Variants in CCDC57 observed in about 807,000 individuals in gnomAD.
CCDC57 encodes coiled-coil domain containing 57, also known as coiled-coil domain-containing protein 57.
Under a neutral mutation model 118.9 loss-of-function variants are expected in CCDC57, and 118 were observed. That is an observed-to-expected ratio of 0.99 (90% CI 0.86 to 1.16). The LOEUF is 1.16. Among genes scored for constraint, CCDC57 ranks in the 50% most tolerant of loss-of-function variants. The pLI is 0.00. For missense variants in CCDC57, 1,300 were observed against 1,320.7 expected, an observed-to-expected ratio of 0.98 and a Z score of 0.24; for synonymous variants, 527 against 532.9, an observed-to-expected ratio of 0.99 and a Z score of 0.15.
intron 7 of CCDC57, among the ~76,000 whole-genome samples, chr17:82,191,560 C>T (rs912919526): frequency 6.6e-6 from 1 of 152,176 alleles, no homozygotes; most frequent in Admixed American, 6.6e-5. Flanking sequence ...TCTGCCACTC[C>T]AGAGACAGCC....
intron 19 of CCDC57, among the ~76,000 whole-genome samples, chr17:82,111,466 C>T (rs2093344144): frequency 6.7e-6 from 1 of 149,698 alleles, no homozygotes; most frequent in Non-Finnish European, 1.5e-5. Context: ...GCAGCTTCAA[C>T]CTCCCGGGCT....
chr17:82,133,592 G>A (rs2038745551), intron 17 of CCDC57, among the ~76,000 whole-genome samples: 1 of 151,916 alleles, frequency 6.6e-6, no homozygotes, highest in Non-Finnish European at 1.5e-5. Flanking sequence ...TGGGCGCGGT[G>A]GTTCATGCCT....
intron 16 of CCDC57, among the ~76,000 whole-genome samples, chr17:82,134,599 G>A (rs935100513): frequency 6.6e-6 from 1 of 152,144 alleles, no homozygotes; most frequent in African/African-American, 2.4e-5. Context: ...TTCGAGATCA[G>A]CCTGGCCAAC....
intron 16 of CCDC57, among the ~76,000 whole-genome samples, chr17:82,137,907 C>T (rs181472198): frequency 2.0e-5 from 3 of 151,556 alleles, no homozygotes; most frequent in African/African-American, 4.8e-5. Context: ...CTCTTGACCT[C>T]GTGATCCACC....
chr17:82,141,725 C>T (rs1221166302), intron 16 of CCDC57, among the ~76,000 whole-genome samples: 2 of 152,106 alleles, frequency 1.3e-5, no homozygotes, highest in African/African-American at 4.8e-5. Context: ...GCTGTGCCTC[C>T]CTCAAGCCTT....
At chr17:82,179,028 T>A (rs1376096431) in exon 10 of CCDC57, 1 of 1,613,450 alleles carries the variant, frequency 6.2e-7, no homozygotes, top group South Asian at 1.1e-5. Context: ...CGCACACACC[T>A]GACTTTTTGC....
chr17:82,120,672 C>T (rs1265193132), intron 19 of CCDC57, among the ~76,000 whole-genome samples: 1 of 152,256 alleles, frequency 6.6e-6, no homozygotes, highest in Non-Finnish European at 1.5e-5. Flanking sequence ...AACAACTCAA[C>T]TGCATGAACC....
intron 17 of CCDC57, among the ~76,000 whole-genome samples, chr17:82,131,520 T>C (rs2038362245): frequency 6.6e-6 from 1 of 151,880 alleles, no homozygotes. Context: ...GTGGGCAAAT[T>C]GCTTCAGTCC....
rs978615143 is a variant in CCDC57, at chr17:82,192,975, T to C, written c.851+781A>G. On this transcript the variant is annotated intron_variant, in intron 7 of 19. Transcript: ENST00000665763. This position sits in a 1 kb window ranked among gnomAD's most constrained non-coding sequence, Gnocchi z 4.0. ...GTGGTCTCGAATTCCTGACCTCAAG[T>C]GATCCACCCACCTCGGCCTCCCAAC... Among the ~76,000 whole-genome samples the C allele has an allele frequency of 6.6e-6, 1 of 152,180 alleles. No individual in the cohort carries two copies. The highest frequency in any genetic ancestry group is 6.5e-5 in the Admixed American group (1 of 15,286).
intron 19 of CCDC57, chr17:82,113,659 C>G (rs1006718044): frequency 2.8e-6 from 2 of 716,874 alleles, no homozygotes; most frequent in African/African-American, 3.5e-5. Context: ...CCAGGCTGGG[C>G]GTGGGGCCCA....
intron 16 of CCDC57, among the ~76,000 whole-genome samples, chr17:82,144,426 T>A (rs2040442444): frequency 1.3e-5 from 2 of 152,230 alleles, no homozygotes; most frequent in Non-Finnish European, 2.9e-5. Context: ...AGACTCTTGC[T>A]GAAGGAACTG....
At chr17:82,201,771 G>T in exon 3 of CCDC57, 2 of 1,613,836 alleles carry the variant, frequency 1.2e-6, no homozygotes, top group Non-Finnish European at 1.7e-6. Context: ...GAAGGTTGTA[G>T]ACAAAGTCCT....
chr17:82,174,346 G>A (rs142092279), intron 11 of CCDC57, among the ~76,000 whole-genome samples: 1 of 152,246 alleles, frequency 6.6e-6, no homozygotes. Flanking sequence ...GTTTAGAAAC[G>A]GAGACAGTGC....
At chr17:82,145,848 C>CA (rs1241315357) in intron 16 of CCDC57, 1 of 462,446 alleles carries the variant, frequency 2.2e-6, no homozygotes, top group Non-Finnish European at 4.5e-6. Flanking sequence ...CCCACCATGT[C>CA]ACCTGCTGGA....
intron 19 of CCDC57, among the ~76,000 whole-genome samples, chr17:82,105,526 T>G (rs1007189562): frequency 6.6e-6 from 1 of 152,034 alleles, no homozygotes; most frequent in Non-Finnish European, 1.5e-5. Context: ...TCCCCACGCC[T>G]GGGAGGCTCA....
chr17:82,152,722 T>G (rs1449947186), intron 15 of CCDC57, among the ~76,000 whole-genome samples: 1 of 152,190 alleles, frequency 6.6e-6, no homozygotes, highest in Non-Finnish European at 1.5e-5. Context: ...CCACATGAGC[T>G]CCGAGTTCCT....
downstream of CCDC57, chr17:82,101,482 A>C: frequency 7.4e-6 from 4 of 538,756 alleles, no homozygotes; most frequent in South Asian, 2.7e-5. Context: ...CCAGGGAGGA[A>C]CCTGGTTTTA....
Position 82,212,126 on chromosome 17 carries a change from G to T in CCDC57, c.-211+659C>A. On this transcript the variant is annotated intron_variant, in intron 1 of 19. Coordinates refer to ENST00000665763, the Ensembl canonical transcript of CCDC57. The surrounding 1 kb of genome is among the most constrained non-coding windows in gnomAD (Gnocchi z 4.1). ...CAGTCGCTGGCAATACAGGACTCCT[G>T]AGTAGTCTCAGAGTGTGGCGTTCTC... Among the ~76,000 whole-genome samples, 1 of 152,198 alleles carries T rather than the reference G, an allele frequency of 6.6e-6. No homozygotes were observed. The highest frequency in any genetic ancestry group is 1.5e-5 in the Non-Finnish European group (1 of 68,038).
At chr17:82,105,652 C>T (rs562867234) in intron 19 of CCDC57, among the ~76,000 whole-genome samples, 65 of 152,284 alleles carry the variant, frequency 4.3e-4, no homozygotes, top group African/African-American at 1.4e-3. Context: ...GTCACCGTGG[C>T]CCCGGGGCTG....
Sources: allele counts gnomAD v4.1 joint callset (sites outside exome capture counted in the v4.1 genomes callset), GRCh38; gene constraint gnomAD v4.1.1; non-coding constraint Gnocchi (gnomAD v3.1); transcripts MANE v1.5; gene names NCBI Gene and HGNC (gene_info 2026-07-23, HGNC 2026-07-21).